NDRG1: variants seen among roughly 807,000 people sequenced by gnomAD.
The protein encoded by NDRG1 is N-myc downstream regulated 1, also known as protein NDRG1.
A neutral mutation model predicts 56.9 loss-of-function variants in NDRG1; 32 were observed. The observed-to-expected ratio is 0.56, with a 90% CI of 0.42 to 0.76. The LOEUF (loss-of-function observed/expected upper bound fraction) is 0.76. Among genes scored for constraint, NDRG1 ranks in the 30% least tolerant of loss-of-function variants. NDRG1 has a pLI of 0.00. For synonymous variants in NDRG1, 211 were observed against 204.1 expected (o/e 1.03, Z -0.29); for missense variants, 507 against 545.7 (o/e 0.93, Z 0.71).
intron 12 of NDRG1, 64 bp downstream of exon 12, chr8:133,247,811 A>G (rs1344637409): frequency 6.4e-7 from 1 of 1,570,632 alleles, no homozygotes; most frequent in African/African-American, 1.4e-5. Context: ...GGGCCACTTC[A>G]ACAAAGTCAA....
chr8:133,271,361 C>A (rs1857175704), intron 3 of NDRG1, among the ~76,000 whole-genome samples: 1 of 152,152 alleles, frequency 6.6e-6, no homozygotes, highest in African/African-American at 2.4e-5. Context: ...AAAGGCAAAT[C>A]ATGGGAACAG....
At position 133,238,751 on chromosome 8, in the gene NDRG1, C is replaced by G. The variant is rs1311449005; in HGVS notation, c.*127G>C. 8.4e-7 allele frequency: 1 copy of G among 1,187,490 alleles called. No individual in the cohort carries two copies. The highest frequency in any genetic ancestry group is 1.2e-6 in the Non-Finnish European group (1 of 867,406). The allele number at this position is 1,187,490 out of a possible 1,614,324, so 73.6% of individuals were successfully genotyped here. ...TCATTTGTCTCCACCAGAGCTCACT[C>G]TTACAAAATAAGCTTTGGATTAATA... On this transcript the variant is annotated 3_prime_UTR_variant, in exon 16 of 16. Transcript: ENST00000323851.
intron 3 of NDRG1, among the ~76,000 whole-genome samples, chr8:133,267,059 A>G (rs562545047): frequency 6.6e-6 from 1 of 152,246 alleles, no homozygotes; most frequent in South Asian, 2.1e-4. Flanking sequence ...GGAGGAGTGC[A>G]GGGGTTCCCG....
Position 133,257,318 on chromosome 8 carries a change from G to C in NDRG1, c.451-455C>G, listed in dbSNP as rs74364338. 5.6e-3 allele frequency among the ~76,000 whole-genome samples: 565 copies of C among 100,926 alleles called. 3 individuals are homozygous for C. Among genetic ancestry groups the C allele is most frequent in the Middle Eastern group, 0.016 (3 of 190 alleles). 66.2% of individuals were successfully genotyped at this position (100,926 alleles called of 152,430 possible). A position where few individuals can be genotyped will look rare whatever the true frequency, so the allele number is the denominator to read the frequency against. ...ACACACACACACACACACACACACA[G>C]AGAGAGAGACAGAGTTATGCATCGC... is the stretch of plus-strand genomic sequence containing the variant. On this transcript the variant is annotated intron_variant, in intron 7 of 15. Transcript: ENST00000323851.
intron 3 of NDRG1, among the ~76,000 whole-genome samples, chr8:133,269,622 G>C (rs1035334985): frequency 6.6e-6 from 1 of 152,218 alleles, no homozygotes; most frequent in Admixed American, 6.5e-5. Flanking sequence ...TCTGAACCAA[G>C]CTTGGATTCG....
chr8:133,265,490 T>A (rs535072130), intron 3 of NDRG1, among the ~76,000 whole-genome samples: 30 of 152,166 alleles, frequency 2.0e-4, no homozygotes, highest in Non-Finnish European at 4.0e-4. Flanking sequence ...GTAAGCCATG[T>A]TGAGTTGACC....
At chr8:133,260,924 G>T (rs1856629699) in intron 5 of NDRG1, among the ~76,000 whole-genome samples, 1 of 152,060 alleles carries the variant, frequency 6.6e-6, no homozygotes, top group Non-Finnish European at 1.5e-5. Flanking sequence ...GCTGATTGGG[G>T]GATCCAACAA....
intron 1 of NDRG1, chr8:133,284,711 C>T (rs1457189898): frequency 6.5e-6 from 3 of 460,484 alleles, no homozygotes; most frequent in African/African-American, 5.9e-5. Context: ...GTCAGGCAGC[C>T]CCCGTGTGAC....
At chr8:133,257,640 T>C (rs1856452101) in intron 7 of NDRG1, among the ~76,000 whole-genome samples, 1 of 152,224 alleles carries the variant, frequency 6.6e-6, no homozygotes, top group Non-Finnish European at 1.5e-5. Context: ...CTGTCAAATG[T>C]GCAGTCTGTC....
chr8:133,255,263 T>C (rs1307979503), intron 8 of NDRG1: 1 of 456,184 alleles, frequency 2.2e-6, no homozygotes, highest in African/African-American at 2.0e-5. Flanking sequence ...CTGGGCAGTC[T>C]GCATACCTCT....
rs958869270 is a variant in NDRG1, at chr8:133,278,879, CTCTTCT to C, written c.99+1347_99+1352del. ...GGCAAGTCACTTCCCAGTGCTGTCT[CTCTTCT>C]TCTTTTTTTTTTTTTTTTTTTTGAG... On this transcript the variant is annotated intron_variant, in intron 3 of 15. Transcript: ENST00000323851. 1.7e-4 allele frequency among the ~76,000 whole-genome samples: 25 copies of C among 145,924 alleles called. No homozygotes were observed. In the East Asian group the frequency reaches 4.1e-3, roughly 24 times the overall value.
At chr8:133,262,968 C>A (rs970937485) in intron 4 of NDRG1, among the ~76,000 whole-genome samples, 16 of 152,288 alleles carry the variant, frequency 1.1e-4, no homozygotes, top group Middle Eastern at 3.4e-3. Flanking sequence ...GAACATGTCC[C>A]ACTAAACACC....
At chr8:133,261,584 G>A (rs1395489307) in intron 5 of NDRG1, among the ~76,000 whole-genome samples, 1 of 152,214 alleles carries the variant, frequency 6.6e-6, no homozygotes, top group Non-Finnish European at 1.5e-5. Context: ...CACAGGAAGG[G>A]CTCCATCAAT....
intron 9 of NDRG1, among the ~76,000 whole-genome samples, chr8:133,253,932 G>A (rs905899762): frequency 1.3e-5 from 2 of 152,070 alleles, no homozygotes. Flanking sequence ...GAACTCCTGG[G>A]CTCAAGCAAT....
At chr8:133,248,415 G>C (rs538404331) in intron 11 of NDRG1, among the ~76,000 whole-genome samples, 12 of 152,292 alleles carry the variant, frequency 7.9e-5, no homozygotes, top group Non-Finnish European at 1.3e-4. Context: ...AGGCTTCATG[G>C]AGCAAAGCCT....
chr8:133,282,753 G>A lies in NDRG1; in HGVS notation c.63+1496C>T, dbSNP rs561677856. ...GTTGCTTTCTTGCTATAATGGCAAA[G>A]TTGAGCAGTTGCAACAGAGGTCATG... On this transcript the variant is annotated intron_variant, in intron 2 of 15. Coordinates refer to ENST00000323851, the MANE Select transcript of NDRG1 (RefSeq NM_006096.4). 2.0e-5 allele frequency among the ~76,000 whole-genome samples: 3 copies of A among 152,350 alleles called. No individual in the cohort carries two copies. The South Asian group carries it at 6.2e-4, about 32-fold the overall frequency.
At chr8:133,244,217 G>T in intron 14 of NDRG1, 138 bp downstream of exon 14, 1 of 1,075,872 alleles carries the variant, frequency 9.3e-7, no homozygotes, top group Non-Finnish European at 1.4e-6. Flanking sequence ...CTCCTATATA[G>T]CACCTTTTCC....
intron 3 of NDRG1, among the ~76,000 whole-genome samples, chr8:133,268,374 G>C (rs1033653661): frequency 1.3e-5 from 2 of 152,164 alleles, no homozygotes; most frequent in South Asian, 4.1e-4. Context: ...CAGCTCATGA[G>C]TGTCAGGACC....
chr8:133,254,648 C>T (rs1034654790), intron 8 of NDRG1, 53 bp from the exon 9 acceptor site: 1 of 1,583,488 alleles, frequency 6.3e-7, no homozygotes, highest in Non-Finnish European at 8.6e-7. Flanking sequence ...CAGTAGTTAA[C>T]AAGGTCAGCA....
Sources: gnomAD v4.1 joint callset for allele counts (sites outside exome capture counted in the v4.1 genomes callset) on GRCh38, gnomAD v4.1.1 for gene constraint, MANE v1.5 for transcripts, NCBI Gene and HGNC (gene_info 2026-07-23, HGNC 2026-07-21) for gene names.